The following NSG2 variants were observed in gnomAD, a reference collection of about 807,000 sequenced individuals.
NSG2 encodes neuronal vesicle trafficking-associated protein 2.
A neutral mutation model predicts 16.9 loss-of-function variants in NSG2; 4 were observed. That is an observed-to-expected ratio of 0.24 (90% CI 0.12 to 0.54). The LOEUF is 0.54. NSG2 is among the 20% of genes least tolerant of loss of function. NSG2 has a pLI of 0.95. For missense variants in NSG2, 179 were observed against 221.1 expected (o/e 0.81, Z 1.21); for synonymous variants, 98 against 88.7 (o/e 1.11, Z -0.59).
rs4355538 is a variant in NSG2 at position 174,108,084 on chromosome 5, C to T, written c.*579C>T. Reference sequence around the variant, plus strand: ...GATTTTGGCATTACTAAGCCCAGAACGCACATAACCCATAGTGAAATGTGC... The same window carrying T: ...GATTTTGGCATTACTAAGCCCAGAATGCACATAACCCATAGTGAAATGTGC... On this transcript the variant is annotated 3_prime_UTR_variant, in exon 5 of 5. Transcript: ENST00000303177. 0.27 allele frequency: 77,074 copies of T among 285,426 alleles called. 14,346 individuals are homozygous for T. Among genetic ancestry groups the T allele is most frequent in the African/African-American group, 0.64 (28,237 of 43,972 alleles). 17.7% of individuals were successfully genotyped at this position (285,426 alleles called of 1,614,324 possible).
intron 3 of NSG2, among the ~76,000 whole-genome samples, chr5:174,084,792 G>A (rs578154854): frequency 2.4e-4 from 37 of 152,324 alleles, no homozygotes; most frequent in African/African-American, 8.2e-4. Flanking sequence ...TTGCAGCTGC[G>A]GCAGGCAGAT....
intron 4 of NSG2, among the ~76,000 whole-genome samples, chr5:174,106,121 TTTGC>T (rs1241337320): frequency 7.9e-5 from 12 of 152,286 alleles, no homozygotes; most frequent in South Asian, 4.1e-4. Context: ...GAGAGTGCTA[TTTGC>T]TTATTGTTTT....
intron 2 of NSG2, among the ~76,000 whole-genome samples, chr5:174,048,195 A>G (rs1314278111): frequency 6.6e-6 from 1 of 152,218 alleles, no homozygotes; most frequent in African/African-American, 2.4e-5. Context: ...GGGCAATATT[A>G]ATAGAGTATG....
chr5:174,052,075 G>T lies in NSG2; in HGVS notation c.129+5191G>T, dbSNP rs75757620. ...CCCTCATTGCTGTGAGCCACCCTAGGGACAAGGGACAGGTTCAGTCTCATG... is the reference window on the plus strand; with the variant it reads ...CCCTCATTGCTGTGAGCCACCCTAGTGACAAGGGACAGGTTCAGTCTCATG... On this transcript the variant is annotated intron_variant, in intron 2 of 4. Transcript: ENST00000303177. Among the ~76,000 whole-genome samples the T allele has an allele frequency of 4.6e-3, 703 of 152,296 alleles. 19 individuals carry two copies. The highest frequency in any genetic ancestry group is 0.037 in the Admixed American group (564 of 15,298).
chr5:174,051,457 C>T (rs1759888434), intron 2 of NSG2, among the ~76,000 whole-genome samples: 1 of 152,210 alleles, frequency 6.6e-6, no homozygotes, highest in Non-Finnish European at 1.5e-5. Context: ...GACAGCACCT[C>T]TCCTGAATGC....
chr5:174,100,518 A>T (rs1231386796), intron 3 of NSG2, among the ~76,000 whole-genome samples: 1 of 152,158 alleles, frequency 6.6e-6, no homozygotes, highest in Non-Finnish European at 1.5e-5. Context: ...ATTAGAATCC[A>T]TGGGGGTGGT....
chr5:174,100,887 C>T (rs904170901), intron 3 of NSG2, among the ~76,000 whole-genome samples: 1 of 152,248 alleles, frequency 6.6e-6, no homozygotes, highest in Non-Finnish European at 1.5e-5. Context: ...CGTCCATACC[C>T]ATGTTGGGAG....
At chr5:174,061,498 T>C (rs2113430969) in intron 2 of NSG2, among the ~76,000 whole-genome samples, 1 of 152,368 alleles carries the variant, frequency 6.6e-6, no homozygotes, top group South Asian at 2.1e-4. Flanking sequence ...TTCTTGTAGA[T>C]CACATGCTAT....
At chr5:174,103,373 G>A (rs1452187851) in intron 3 of NSG2, among the ~76,000 whole-genome samples, 1 of 152,194 alleles carries the variant, frequency 6.6e-6, no homozygotes, top group African/African-American at 2.4e-5. Flanking sequence ...GACTGCAAAT[G>A]TGAAATTGAC....
chr5:174,065,760 A>T (rs959340369), intron 3 of NSG2, among the ~76,000 whole-genome samples: 2 of 152,208 alleles, frequency 1.3e-5, no homozygotes, highest in Non-Finnish European at 2.9e-5. Context: ...TGGATGGATG[A>T]TGCAGCAGCC....
At chr5:174,052,909 C>T (rs940299026) in intron 2 of NSG2, among the ~76,000 whole-genome samples, 7 of 152,210 alleles carry the variant, frequency 4.6e-5, no homozygotes, top group Admixed American at 2.0e-4. Flanking sequence ...TCTGCTGCTG[C>T]GCTCTGGGCA....
chr5:174,094,458 C>T (rs1760764733), intron 3 of NSG2, among the ~76,000 whole-genome samples: 1 of 152,112 alleles, frequency 6.6e-6, no homozygotes, highest in Non-Finnish European at 1.5e-5. Flanking sequence ...CCCCATTTAA[C>T]AGATGAAGAA....
chr5:174,080,325 T>A (rs1162038528), intron 3 of NSG2, among the ~76,000 whole-genome samples: 1 of 148,988 alleles, frequency 6.7e-6, no homozygotes, highest in African/African-American at 2.4e-5. Flanking sequence ...TATAAAATGT[T>A]ATATATAACC....
At position 174,072,308 on chromosome 5, in the gene NSG2, T is replaced by C. The variant is rs34600312; in HGVS notation, c.213+7993T>C. On this transcript the variant is annotated intron_variant, in intron 3 of 4. Coordinates refer to ENST00000303177, the MANE Select transcript of NSG2 (RefSeq NM_015980.5). This position sits in a 1 kb window ranked among gnomAD's most constrained non-coding sequence, Gnocchi z 4.0. ...CTTACCTGCCTCTCCCATAGGTGCA[T>C]CCACCTCCCAGAAGCAGTGGCCCTT... 7.2e-4 allele frequency among the ~76,000 whole-genome samples: 110 copies of C among 152,348 alleles called. 2 individuals are homozygous for C. The highest frequency in any genetic ancestry group is 5.8e-3 in the South Asian group (28 of 4,832).
At chr5:174,046,069 G>C (rs1759790062) in intron 1 of NSG2, 1 of 151,218 alleles carries the variant, frequency 6.6e-6, no homozygotes, top group African/African-American at 2.4e-5. Context: ...TGCAATATGG[G>C]GGCTGCTAAC....
intron 3 of NSG2, among the ~76,000 whole-genome samples, chr5:174,102,676 T>C (rs1009701217): frequency 1.3e-4 from 20 of 152,160 alleles, no homozygotes; most frequent in African/African-American, 4.8e-5. Context: ...TGCTTTCAGA[T>C]AGTGGATAGG....
intron 3 of NSG2, among the ~76,000 whole-genome samples, chr5:174,101,434 A>G (rs1472776149): frequency 6.6e-6 from 1 of 152,118 alleles, no homozygotes; most frequent in African/African-American, 2.4e-5. Context: ...GAAACCCTAT[A>G]CCCCTTATCA....
intron 4 of NSG2, among the ~76,000 whole-genome samples, chr5:174,106,026 T>A (rs1264568386): frequency 2.0e-5 from 3 of 152,058 alleles, no homozygotes; most frequent in Non-Finnish European, 4.4e-5. Flanking sequence ...AAGGCAGGCC[T>A]CCATACACGG....
At chr5:174,085,506 T>C (rs571530723) in intron 3 of NSG2, among the ~76,000 whole-genome samples, 5 of 152,228 alleles carry the variant, frequency 3.3e-5, no homozygotes, top group Non-Finnish European at 5.9e-5. Context: ...ATTTTCTTAA[T>C]AGCAAATTAA....
Sources: gnomAD v4.1 joint callset for allele counts (sites outside exome capture counted in the v4.1 genomes callset) on GRCh38, gnomAD v4.1.1 for gene constraint, Gnocchi (gnomAD v3.1) non-coding constraint, MANE v1.5 for transcripts, NCBI Gene and HGNC (gene_info 2026-07-23, HGNC 2026-07-21) for gene names.